The following MYO5B variants were observed in gnomAD, a reference collection of about 807,000 sequenced individuals.
The protein encoded by MYO5B is myosin VB, also known as unconventional myosin-Vb.
Under a neutral mutation model 229.3 loss-of-function variants are expected in MYO5B, and 143 were observed. The observed-to-expected ratio is 0.62, with a 90% CI of 0.54 to 0.72. The LOEUF (loss-of-function observed/expected upper bound fraction) is 0.72. Among genes scored for constraint, MYO5B ranks in the 30% least tolerant of loss-of-function variants. MYO5B has a pLI of 0.00. For synonymous variants in MYO5B, 918 were observed against 885.2 expected (o/e 1.04, Z -0.66); for missense variants, 2,321 against 2,331.0 (o/e 1.00, Z 0.09).
rs771842098 is a variant in MYO5B, at chr18:49,826,608, G to A, written c.5410C>T (p.Arg1804Trp). The A allele has an allele frequency of 1.1e-5, 17 of 1,613,242 alleles. No homozygotes were observed. The highest frequency in any genetic ancestry group is 2.2e-5 in the East Asian group (1 of 44,888). The stretch of plus-strand genomic sequence containing the variant: ...AATAGCAGTTGCTGAGGGTCATTCC[G>A]CTCTTGTAGTTGTGCCTATGGGGAA... The part of the protein sequence containing the change: ...IRTIQAQLQE[R>W]NDPQQLLLDA... Residue 1804 changes from arginine (R) to tryptophan (W), a missense_variant, in exon 40 of 40, where the codon CGG (arginine) becomes TGG (tryptophan). By Grantham distance (101) the Arg-to-Trp change is moderately radical (BLOSUM62 -3). Around this residue, in one of 2 missense-constraint regions of MYO5B, gnomAD observed 208 missense variants for 286.3 expected, o/e 0.73. Coordinates refer to ENST00000285039, the MANE Select transcript of MYO5B (RefSeq NM_001080467.3).
intron 26 of MYO5B, among the ~76,000 whole-genome samples, chr18:49,874,885 C>T (rs2024499077): frequency 6.6e-6 from 1 of 152,186 alleles, no homozygotes; most frequent in Admixed American, 6.5e-5. Flanking sequence ...ATTCTCTACT[C>T]CTATGGCACC....
At chr18:50,067,609 T>C (rs886105503) in intron 1 of MYO5B, among the ~76,000 whole-genome samples, 14 of 152,158 alleles carry the variant, frequency 9.2e-5, no homozygotes, top group African/African-American at 3.4e-4. Context: ...GGCAGTGAGT[T>C]CTCACTCTTA....
At chr18:50,022,371 T>G (rs2026285335) in intron 4 of MYO5B, among the ~76,000 whole-genome samples, 2 of 152,234 alleles carry the variant, frequency 1.3e-5, no homozygotes, top group Non-Finnish European at 2.9e-5. Flanking sequence ...AAACATTCCC[T>G]CTTATTACAC....
At chr18:50,037,159 T>G (rs1397897556) in intron 3 of MYO5B, among the ~76,000 whole-genome samples, 165 bp from the exon 4 acceptor site, 1 of 151,754 alleles carries the variant, frequency 6.6e-6, no homozygotes, top group African/African-American at 2.4e-5. Context: ...ATCTGTGTGC[T>G]TCAGATCTCC....
intron 1 of MYO5B, chr18:50,063,984 G>A (rs549143954): frequency 6.6e-6 from 1 of 152,504 alleles, no homozygotes; most frequent in South Asian, 2.1e-4. Context: ...GAACACTGCT[G>A]AATCATTTTA....
At chr18:49,936,559 T>G (rs1221565338) in intron 15 of MYO5B, among the ~76,000 whole-genome samples, 1 of 152,124 alleles carries the variant, frequency 6.6e-6, no homozygotes, top group Admixed American at 6.5e-5. Context: ...ATTTAAGGGT[T>G]CCTTGAATTA....
intron 10 of MYO5B, 77 bp from the exon 11 acceptor site, chr18:49,963,107 G>T: frequency 8.6e-7 from 1 of 1,167,696 alleles, no homozygotes; most frequent in Non-Finnish European, 1.3e-6. Flanking sequence ...AAGCTGCTCT[G>T]ACCCAGGTCT....
At chr18:50,194,247 C>T (rs1255678733) in intron 1 of MYO5B, among the ~76,000 whole-genome samples, 1 of 152,232 alleles carries the variant, frequency 6.6e-6, no homozygotes, top group Non-Finnish European at 1.5e-5. Flanking sequence ...GAACCCCCAC[C>T]TCTCCCAAGT....
At chr18:49,901,516 C>T (rs1598869059) in intron 21 of MYO5B, among the ~76,000 whole-genome samples, 1 of 152,324 alleles carries the variant, frequency 6.6e-6, no homozygotes, top group South Asian at 2.1e-4. Context: ...AATAAGAGTG[C>T]TAACCATTTT....
intron 4 of MYO5B, among the ~76,000 whole-genome samples, chr18:50,016,186 C>A (rs1237541087): frequency 6.6e-6 from 1 of 152,170 alleles, no homozygotes; most frequent in Admixed American, 6.5e-5. Flanking sequence ...AGTTGATTAA[C>A]TGTTTCATTA....
At chr18:49,846,239 T>G (rs1207983406) in intron 33 of MYO5B, among the ~76,000 whole-genome samples, 1 of 152,142 alleles carries the variant, frequency 6.6e-6, no homozygotes, top group Non-Finnish European at 1.5e-5. Context: ...ATTCCTCACT[T>G]TAATGAGCCT....
intron 26 of MYO5B, 26 bp downstream of exon 26, chr18:49,875,661 A>G (rs1233678920): frequency 1.2e-6 from 2 of 1,613,786 alleles, no homozygotes; most frequent in Non-Finnish European, 1.7e-6. Flanking sequence ...CAAGCACCAT[A>G]AGAGCACTGC....
intron 1 of MYO5B, among the ~76,000 whole-genome samples, chr18:50,059,608 A>G (rs1391467495): frequency 6.6e-6 from 1 of 152,244 alleles, no homozygotes; most frequent in East Asian, 1.9e-4. Context: ...AGACACGTGG[A>G]ACACATTGAG....
chr18:50,071,056 T>G (rs1380001783), intron 1 of MYO5B, among the ~76,000 whole-genome samples: 1 of 152,198 alleles, frequency 6.6e-6, no homozygotes, highest in Non-Finnish European at 1.5e-5. Context: ...ACTCCTGGGC[T>G]CAAGCCATCC....
chr18:50,124,390 T>C (rs186986043), intron 1 of MYO5B, among the ~76,000 whole-genome samples: 59 of 152,346 alleles, frequency 3.9e-4, no homozygotes, highest in African/African-American at 1.4e-3. Context: ...CCTTTTCCCA[T>C]GCACATGGTC....
intron 1 of MYO5B, among the ~76,000 whole-genome samples, chr18:50,094,535 C>T (rs2031513290): frequency 6.6e-6 from 1 of 151,996 alleles, no homozygotes; most frequent in African/African-American, 2.4e-5. Context: ...AGTTCATTCT[C>T]AAAGAGAAGA....
At position 49,954,553 on chromosome 18, in the gene MYO5B, C is replaced by G; in HGVS notation, c.1546-118G>C. 2.3e-6 allele frequency: 3 copies of G among 1,326,556 alleles called. No individual in the cohort carries two copies. The South Asian group carries it at 3.6e-5, about 16-fold the overall frequency. 82.2% of individuals were successfully genotyped at this position (1,326,556 alleles called of 1,614,324 possible). A position where few individuals can be genotyped will look rare whatever the true frequency, so the allele number is the denominator to read the frequency against. ...TGTGAAGGTTGATTCAGCCCTCGAA[C>G]CAGGACCTTAACTGGACGGTGCAAA... On this transcript the variant is annotated intron_variant, in intron 12 of 39. Transcript: ENST00000285039.
chr18:49,831,617 G>A (rs1301110141), intron 39 of MYO5B, among the ~76,000 whole-genome samples: 1 of 152,160 alleles, frequency 6.6e-6, no homozygotes, highest in Non-Finnish European at 1.5e-5. Flanking sequence ...CACAAGTGTT[G>A]GTGAGGATGT....
At chr18:50,067,765 T>C (rs1284543622) in intron 1 of MYO5B, among the ~76,000 whole-genome samples, 13 of 152,274 alleles carry the variant, frequency 8.5e-5, no homozygotes, top group African/African-American at 2.6e-4. Context: ...TCTGGAAGCA[T>C]TTACTGGCAC....
Sources: allele counts gnomAD v4.1 joint callset (sites outside exome capture counted in the v4.1 genomes callset), GRCh38; gene constraint gnomAD v4.1.1; regional missense constraint gnomAD v4.1.1; transcripts MANE v1.5; gene names NCBI Gene and HGNC (gene_info 2026-07-23, HGNC 2026-07-21).